Variants in PAK1 observed in about 807,000 individuals in gnomAD.
The protein encoded by PAK1 is serine/threonine-protein kinase PAK 1.
Under a neutral mutation model 67.4 loss-of-function variants are expected in PAK1, and 29 were observed. The ratio of observed to expected loss-of-function variants is 0.43; its 90% CI spans 0.32 to 0.59. PAK1 has a LOEUF of 0.59. Ranked by LOEUF, PAK1 falls within the 20% of genes least tolerant of loss-of-function variation. PAK1 has a pLI of 0.07. For missense variants in PAK1, 337 were observed against 670.7 expected (o/e 0.50, Z 5.50); for synonymous variants, 223 against 237.4 (o/e 0.94, Z 0.56).
At chr11:77,490,295 C>CCTACCCGG in the PAK1 span, among the ~76,000 whole-genome samples, 1 of 147,924 alleles carries the variant, frequency 6.8e-6, no homozygotes, top group Non-Finnish European at 1.5e-5. Context: ...GGTCAGCCCC[C>CCTACCCGG]CCACCCGGCC....
intron 2 of PAK1, among the ~76,000 whole-genome samples, chr11:77,389,643 A>C (rs1046491937): frequency 2.0e-5 from 3 of 152,192 alleles, no homozygotes. Flanking sequence ...CTTCTTGGCC[A>C]TTTGTATATG....
rs1375055038 is a variant in PAK1, at chr11:77,414,957, C to A, written c.-21-22416G>T. Among the ~76,000 whole-genome samples, 3 of 151,918 alleles carry A rather than the reference C, an allele frequency of 2.0e-5. No individual in the cohort carries two copies. The East Asian group carries it at 5.8e-4, about 29-fold the overall frequency. On this transcript the variant is annotated intron_variant, in intron 1 of 14. Transcript: ENST00000356341. ...AGTGTTAAGAGAACAAAGAAACAAACCACAGACTGGGAGAAAACACATCTA... is the reference window on the plus strand; with the variant it reads ...AGTGTTAAGAGAACAAAGAAACAAAACACAGACTGGGAGAAAACACATCTA...
At chr11:77,468,422 A>G (rs1407496127) in intron 1 of PAK1, among the ~76,000 whole-genome samples, 1 of 152,200 alleles carries the variant, frequency 6.6e-6, no homozygotes, top group Non-Finnish European at 1.5e-5. Flanking sequence ...CTCAAAAACT[A>G]AAAGAATGGG....
intron 1 of PAK1, among the ~76,000 whole-genome samples, chr11:77,457,788 C>T (rs1029469752): frequency 2.6e-5 from 4 of 152,176 alleles, no homozygotes; most frequent in African/African-American, 9.7e-5. Context: ...TTAAAATACA[C>T]ACTAGGCAGG....
chr11:77,411,434 A>C (rs993360561), intron 1 of PAK1, among the ~76,000 whole-genome samples: 1 of 151,810 alleles, frequency 6.6e-6, no homozygotes, highest in Non-Finnish European at 1.5e-5. Context: ...CAGGCCAGCG[A>C]CTAAGCCAAG....
At chr11:77,365,574 T>C (rs966371619) in intron 5 of PAK1, among the ~76,000 whole-genome samples, 16 of 152,180 alleles carry the variant, frequency 1.1e-4, no homozygotes, top group African/African-American at 3.9e-4. Context: ...GGCTCATGCC[T>C]GTAATCCCAG....
the PAK1 span, among the ~76,000 whole-genome samples, chr11:77,484,669 T>C: frequency 2.6e-5 from 4 of 152,192 alleles, no homozygotes; most frequent in South Asian, 4.1e-4. Flanking sequence ...AGTGCCTCAG[T>C]GACCAGTCAC....
chr11:77,491,887 C>CTTA, the PAK1 span, among the ~76,000 whole-genome samples: 1 of 152,122 alleles, frequency 6.6e-6, no homozygotes, highest in Non-Finnish European at 1.5e-5. Context: ...CAGTCAAAGA[C>CTTA]ATAAGAGTGG....
At chr11:77,470,653 G>A (rs1280688683) in intron 1 of PAK1, among the ~76,000 whole-genome samples, 2 of 152,190 alleles carry the variant, frequency 1.3e-5, no homozygotes, top group Non-Finnish European at 1.5e-5. Context: ...CCTTTGTGTG[G>A]AGTCAAACAG....
the PAK1 span, among the ~76,000 whole-genome samples, chr11:77,523,758 T>C: frequency 6.6e-6 from 1 of 152,238 alleles, no homozygotes; most frequent in Admixed American, 6.5e-5. Context: ...ATATGCATTT[T>C]TCCATAATAA....
At chr11:77,478,497 G>A (rs925643573), upstream of PAK1, among the ~76,000 whole-genome samples, 8 of 152,034 alleles carry the variant, frequency 5.3e-5, no homozygotes, top group African/African-American at 1.9e-4. Context: ...ATCTGGCCTG[G>A]CACGGTGGCC....
intron 11 of PAK1, among the ~76,000 whole-genome samples, chr11:77,337,942 A>C (rs547378407): frequency 5.3e-5 from 8 of 152,302 alleles, no homozygotes; most frequent in African/African-American, 1.9e-4. Flanking sequence ...AGGCAACTTA[A>C]TTTATGATAA....
intron 5 of PAK1, among the ~76,000 whole-genome samples, chr11:77,371,619 T>G (rs1444780309): frequency 6.6e-6 from 1 of 152,216 alleles, no homozygotes; most frequent in East Asian, 1.9e-4. Flanking sequence ...TATTTGATTA[T>G]TTCACAAGTG....
At chr11:77,445,972 C>A (rs1956580346) in intron 1 of PAK1, among the ~76,000 whole-genome samples, 1 of 152,170 alleles carries the variant, frequency 6.6e-6, no homozygotes, top group East Asian at 1.9e-4. Flanking sequence ...ATCTTTATAT[C>A]TCCAGTACTT....
chr11:77,472,455 G>C (rs1162558035), intron 1 of PAK1, among the ~76,000 whole-genome samples: 1 of 152,216 alleles, frequency 6.6e-6, no homozygotes, highest in African/African-American at 2.4e-5. Flanking sequence ...GGCCAGCAAA[G>C]ACTTCACAGT....
the PAK1 span, among the ~76,000 whole-genome samples, chr11:77,503,945 G>T: frequency 2.0e-5 from 3 of 152,152 alleles, 1 homozygote; most frequent in Admixed American, 2.0e-4. Flanking sequence ...AGGCTGGAGT[G>T]CAGTGGCGCG....
intron 14 of PAK1, among the ~76,000 whole-genome samples, chr11:77,329,989 G>A (rs373941346): frequency 7.3e-5 from 11 of 151,562 alleles, no homozygotes; most frequent in Non-Finnish European, 1.0e-4. Context: ...ATACACCAAT[G>A]ACAGACAAAC....
chr11:77,489,594 G>T, the PAK1 span, among the ~76,000 whole-genome samples: 6 of 152,256 alleles, frequency 3.9e-5, no homozygotes, highest in African/African-American at 1.4e-4. Flanking sequence ...GATTGCAGGC[G>T]CGCGCCGCCA....
At chr11:77,325,807 T>A (rs1394023522) in intron 14 of PAK1, among the ~76,000 whole-genome samples, 1 of 152,190 alleles carries the variant, frequency 6.6e-6, no homozygotes, top group Non-Finnish European at 1.5e-5. Context: ...TAACCTCAAT[T>A]ACAAAGACAT....
Sources: allele counts gnomAD v4.1 joint callset (sites outside exome capture counted in the v4.1 genomes callset), GRCh38; gene constraint gnomAD v4.1.1; transcripts MANE v1.5; gene names NCBI Gene and HGNC (gene_info 2026-07-23, HGNC 2026-07-21).